The following ASTN2 variants were observed in gnomAD, a reference collection of about 807,000 sequenced individuals.
ASTN2 encodes the protein astrotactin 2.
A neutral mutation model predicts 139.8 loss-of-function variants in ASTN2; 54 were observed. The ratio of observed to expected loss-of-function variants is 0.39; its 90% CI spans 0.31 to 0.48. The LOEUF (loss-of-function observed/expected upper bound fraction) is 0.48. Among genes scored for constraint, ASTN2 ranks in the 20% least tolerant of loss-of-function variants. ASTN2 has a pLI of 0.95. For missense variants in ASTN2, 1,565 were observed against 1,725.1 expected (o/e 0.91, Z 1.64); for synonymous variants, 756 against 719.5 (o/e 1.05, Z -0.81).
intron 5 of ASTN2, among the ~76,000 whole-genome samples, chr9:117,067,360 A>G (rs1267717505): frequency 5.8e-4 from 78 of 134,128 alleles, no homozygotes; most frequent in African/African-American, 1.9e-3. Flanking sequence ...TGTTCCATTG[A>G]TCTATATCTC....
intron 22 of ASTN2, among the ~76,000 whole-genome samples, chr9:116,439,447 G>A (rs1847774525): frequency 7.2e-6 from 1 of 139,638 alleles, no homozygotes; most frequent in Admixed American, 6.7e-5. Context: ...TGATCCGCCC[G>A]CCTCGGCCTC....
At chr9:117,085,480 T>C (rs1281199695) in intron 5 of ASTN2, among the ~76,000 whole-genome samples, 1 of 152,178 alleles carries the variant, frequency 6.6e-6, no homozygotes, top group Non-Finnish European at 1.5e-5. Context: ...TACAATAGGC[T>C]CTCGATAAAC....
At chr9:117,156,738 G>A (rs368414433) in intron 3 of ASTN2, among the ~76,000 whole-genome samples, 4 of 152,100 alleles carry the variant, frequency 2.6e-5, no homozygotes, top group South Asian at 4.1e-4. Context: ...TTTGATAAAC[G>A]TGAACTAAAA....
At chr9:116,676,932 C>T (rs967887840) in intron 16 of ASTN2, among the ~76,000 whole-genome samples, 9 of 152,136 alleles carry the variant, frequency 5.9e-5, no homozygotes, top group Non-Finnish European at 1.3e-4. Flanking sequence ...AAAAAAGAAA[C>T]TACTTACCAT....
At chr9:116,905,345 A>C (rs897943387) in intron 10 of ASTN2, among the ~76,000 whole-genome samples, 1 of 152,324 alleles carries the variant, frequency 6.6e-6, no homozygotes, top group South Asian at 2.1e-4. Context: ...AGACATGCAC[A>C]GGATATAAAA....
chr9:117,153,305 A>G (rs1830363325), intron 3 of ASTN2, among the ~76,000 whole-genome samples: 1 of 152,088 alleles, frequency 6.6e-6, no homozygotes. Flanking sequence ...TAACTCCTAC[A>G]GCCTGGGTCC....
At chr9:116,857,961 G>T (rs1832781653) in intron 11 of ASTN2, among the ~76,000 whole-genome samples, 1 of 152,282 alleles carries the variant, frequency 6.6e-6, no homozygotes, top group South Asian at 2.1e-4. Flanking sequence ...TCTTGGGATG[G>T]TCCCTTGGTA....
chr9:117,134,734 C>T (rs1454418250), intron 4 of ASTN2, among the ~76,000 whole-genome samples: 1 of 152,164 alleles, frequency 6.6e-6, no homozygotes, highest in Non-Finnish European at 1.5e-5. Context: ...TACCCCAAGC[C>T]AGCCCACACC....
chr9:116,530,926 G>A (rs1375194440), intron 19 of ASTN2, among the ~76,000 whole-genome samples: 1 of 152,088 alleles, frequency 6.6e-6, no homozygotes, highest in Non-Finnish European at 1.5e-5. Context: ...ACCTAGGACA[G>A]AGCATGACAT....
chr9:117,339,110 A>G (rs2130861666), intron 1 of ASTN2, among the ~76,000 whole-genome samples: 1 of 152,176 alleles, frequency 6.6e-6, no homozygotes, highest in East Asian at 1.9e-4. Context: ...AGCAGGATTT[A>G]GGCATCTGTG....
At chr9:117,146,863 A>G (rs1830210020) in intron 3 of ASTN2, among the ~76,000 whole-genome samples, 1 of 152,132 alleles carries the variant, frequency 6.6e-6, no homozygotes, top group Non-Finnish European at 1.5e-5. Context: ...AGTAAACAAT[A>G]ATTTATTGTA....
Position 116,651,575 on chromosome 9 carries a change from G to T in ASTN2, c.3025C>A (p.Arg1009Ser), listed in dbSNP as rs145202780. Residue 1009 changes from arginine to serine, a missense_variant, in exon 17 of 23, where the codon CGT becomes AGT. By Grantham distance (110) the Arg-to-Ser change is moderately radical (BLOSUM62 -1). Transcript: ENST00000313400. ...ATGAGGGTATAAAGTGGCACCACAC[G>T]GTTGATTTCCAGCAGCACTGGTGTG... is the stretch of plus-strand genomic sequence containing the variant. ...SPTPVLLEIN[R>S]VVPLYTLIQD... The T allele has an allele frequency of 4.3e-5, 70 of 1,614,146 alleles. No homozygotes were observed. The African/African-American group carries it at 8.8e-4, about 20-fold the overall frequency.
intron 19 of ASTN2, among the ~76,000 whole-genome samples, chr9:116,603,512 C>A (rs1486500108): frequency 6.6e-6 from 1 of 152,124 alleles, no homozygotes; most frequent in African/African-American, 2.4e-5. Context: ...TCCACAAAAA[C>A]CCTGACCTTA....
At chr9:117,365,980 T>C (rs1829834568) in intron 1 of ASTN2, among the ~76,000 whole-genome samples, 1 of 152,192 alleles carries the variant, frequency 6.6e-6, no homozygotes, top group Non-Finnish European at 1.5e-5. Flanking sequence ...ATTCTGTTTG[T>C]TCTGCGCTCC....
At chr9:116,460,550 G>A (rs1483528097) in intron 20 of ASTN2, among the ~76,000 whole-genome samples, 10 of 152,016 alleles carry the variant, frequency 6.6e-5, no homozygotes, top group African/African-American at 1.4e-4. Flanking sequence ...CCCTTTGCGC[G>A]TATTTCCTCA....
chr9:116,497,409 C>T (rs1411844523), intron 19 of ASTN2, among the ~76,000 whole-genome samples: 1 of 152,190 alleles, frequency 6.6e-6, no homozygotes, highest in Non-Finnish European at 1.5e-5. Flanking sequence ...GTGGTCACAG[C>T]TCTGACCCAC....
At chr9:117,128,839 A>C (rs1184682515) in intron 4 of ASTN2, among the ~76,000 whole-genome samples, 1 of 152,230 alleles carries the variant, frequency 6.6e-6, no homozygotes, top group African/African-American at 2.4e-5. Flanking sequence ...AGCAAGTCCC[A>C]TCTTACATGG....
intron 20 of ASTN2, among the ~76,000 whole-genome samples, chr9:116,470,288 C>A (rs955625963): frequency 6.6e-6 from 1 of 152,144 alleles, no homozygotes; most frequent in East Asian, 1.9e-4. Context: ...GGAAAAGATT[C>A]GGCGTGTTCT....
At chr9:117,235,269 A>C (rs1361743155) in intron 2 of ASTN2, among the ~76,000 whole-genome samples, 1 of 151,984 alleles carries the variant, frequency 6.6e-6, no homozygotes, top group African/African-American at 2.4e-5. Context: ...GGGAGGATAA[A>C]ATTTTATTTT....
Sources: allele counts gnomAD v4.1 joint callset (sites outside exome capture counted in the v4.1 genomes callset), GRCh38; gene constraint gnomAD v4.1.1; transcripts MANE v1.5; gene names NCBI Gene and HGNC (gene_info 2026-07-23, HGNC 2026-07-21).